SIM1: variants seen among roughly 807,000 people sequenced by gnomAD.
SIM1 encodes the protein single-minded homolog 1.
A neutral mutation model predicts 78.2 loss-of-function variants in SIM1; 18 were observed. The observed-to-expected ratio is 0.23, with a 90% CI of 0.16 to 0.34. The LOEUF is 0.34. SIM1 is among the 10% of genes least tolerant of loss of function. SIM1 has a pLI of 1.00. For missense variants in SIM1, 939 were observed against 975.1 expected (o/e 0.96, Z 0.49); for synonymous variants, 417 against 385.2 (o/e 1.08, Z -0.97).
At chr6:100,415,845 T>C (rs1771384792) in intron 10 of SIM1, among the ~76,000 whole-genome samples, 1 of 152,120 alleles carries the variant, frequency 6.6e-6, no homozygotes, top group Admixed American at 6.5e-5. Flanking sequence ...TAAGACAGCT[T>C]GGGCACAGAG....
chr6:100,394,466 C>T (rs1248725842), intron 10 of SIM1, among the ~76,000 whole-genome samples: 3 of 152,140 alleles, frequency 2.0e-5, no homozygotes, highest in South Asian at 2.1e-4. Context: ...AGTGCAGTGG[C>T]GTGATCATGG....
At position 100,454,932 on chromosome 6, in the gene SIM1, C is replaced by T. The variant is rs145024281; in HGVS notation, c.176-1088G>A. On this transcript the variant is annotated intron_variant, in intron 2 of 11. Coordinates refer to ENST00000369208, the MANE Select transcript of SIM1 (RefSeq NM_005068.3). ...ATTATTTTAACTAGGTAGTTAAATC[C>T]TTTTATCCTTACACCATTAAACAAA... Among the ~76,000 whole-genome samples, 858 of 152,176 alleles carry T rather than the reference C, an allele frequency of 5.6e-3. 10 individuals carry two copies. The highest frequency in any genetic ancestry group is 0.019 in the African/African-American group (797 of 41,504).
chr6:100,412,046 G>T (rs1045368361), intron 10 of SIM1, among the ~76,000 whole-genome samples: 1 of 152,150 alleles, frequency 6.6e-6, no homozygotes, highest in Non-Finnish European at 1.5e-5. Flanking sequence ...TTGAGGAACA[G>T]CTAGGGCAGT....
At chr6:100,462,692 T>C (rs1208081103) in intron 2 of SIM1, 2 of 152,206 alleles carry the variant, frequency 1.3e-5, no homozygotes, top group African/African-American at 4.8e-5. Flanking sequence ...CAGTTGCAAA[T>C]CATCAAGCTC....
At chr6:100,415,458 A>T (rs1270682544) in intron 10 of SIM1, among the ~76,000 whole-genome samples, 3 of 152,226 alleles carry the variant, frequency 2.0e-5, no homozygotes, top group Non-Finnish European at 4.4e-5. Flanking sequence ...GCAGCACAGT[A>T]GCTATGGGCA....
chr6:100,450,696 T>TCTCTCTCACACACA lies in SIM1; in HGVS notation c.259-341_259-340insTGTGTGTGAGAGAG, dbSNP rs1421452803. On this transcript the variant is annotated intron_variant, in intron 3 of 11. Coordinates refer to ENST00000369208, the MANE Select transcript of SIM1 (RefSeq NM_005068.3). ...CTCTCTCTCTCTCTCTCTCTCTCTC[T>TCTCTCTCACACACA]CACACACACACACACACACACACAC... Among the ~76,000 whole-genome samples, 394 of 91,920 alleles carry TCTCTCTCACACACA rather than the reference T, an allele frequency of 4.3e-3. 1 individual carries two copies. The highest frequency in any genetic ancestry group is 0.012 in the Middle Eastern group (2 of 162). 60.3% of individuals were successfully genotyped at this position (91,920 alleles called of 152,430 possible).
Position 100,447,249 on chromosome 6 carries a change from G to T in SIM1, c.998+19C>A, listed in dbSNP as rs563024692. On this transcript the variant is annotated intron_variant, in intron 9 of 11. Coordinates refer to ENST00000369208, the MANE Select transcript of SIM1 (RefSeq NM_005068.3). ...AGGGTCGCCTGGGGTGGGTGAAGGG[G>T]TCTCAGTCTTGCACTCACGTGAGGA... 2.5e-6 allele frequency: 4 copies of T among 1,612,660 alleles called. No homozygotes were observed. The African/African-American group carries it at 4.0e-5, about 16-fold the overall frequency.
At chr6:100,456,362 C>A (rs943238637) in intron 2 of SIM1, among the ~76,000 whole-genome samples, 1 of 152,174 alleles carries the variant, frequency 6.6e-6, no homozygotes, top group Non-Finnish European at 1.5e-5. Context: ...TTCGTTTCTG[C>A]ACTTGACCTA....
intron 9 of SIM1, 62 bp from the exon 10 acceptor site, chr6:100,421,020 C>T: frequency 4.0e-6 from 6 of 1,516,058 alleles, no homozygotes; most frequent in Non-Finnish European, 5.4e-6. Flanking sequence ...CATGCATACT[C>T]TCATCAGGAA....
At chr6:100,461,542 A>G (rs1322681682) in intron 2 of SIM1, among the ~76,000 whole-genome samples, 1 of 152,206 alleles carries the variant, frequency 6.6e-6, no homozygotes, top group Non-Finnish European at 1.5e-5. Context: ...CGGCACCAAT[A>G]ATTGACGAGA....
At chr6:100,422,150 T>C (rs955336856) in intron 9 of SIM1, among the ~76,000 whole-genome samples, 6 of 152,200 alleles carry the variant, frequency 3.9e-5, no homozygotes, top group Admixed American at 1.3e-4. Flanking sequence ...GTTTGCCTTT[T>C]AAAATTTTTT....
At chr6:100,399,522 T>C (rs1055373455) in intron 10 of SIM1, among the ~76,000 whole-genome samples, 1 of 152,086 alleles carries the variant, frequency 6.6e-6, no homozygotes, top group Non-Finnish European at 1.5e-5. Context: ...TATATGATGA[T>C]AGTAATAATG....
chr6:100,461,848 T>C (rs1358023680), intron 2 of SIM1, among the ~76,000 whole-genome samples: 1 of 149,748 alleles, frequency 6.7e-6, no homozygotes, highest in Non-Finnish European at 1.5e-5. Context: ...TTTCTTTTTT[T>C]TTTTTTTTTT....
chr6:100,391,896 G>A (rs1171995908), intron 11 of SIM1, among the ~76,000 whole-genome samples: 3 of 152,160 alleles, frequency 2.0e-5, no homozygotes, highest in Non-Finnish European at 4.4e-5. Context: ...AATAAGGCCG[G>A]GCATGGTGGC....
intron 2 of SIM1, among the ~76,000 whole-genome samples, chr6:100,455,235 G>A (rs1772615995): frequency 6.6e-6 from 1 of 152,066 alleles, no homozygotes; most frequent in Admixed American, 6.6e-5. Flanking sequence ...TAAATCTAAC[G>A]ATTTCCCCAC....
rs368411940 is a variant in SIM1, at chr6:100,453,787, C to A, written c.233G>T (p.Arg78Leu). ...CTGGAGCAGATGGGAGCCCAGTTCTCGGCCAACGTTGTCCAGGGGGCTGGT... is the reference window on the plus strand; with the variant it reads ...CTGGAGCAGATGGGAGCCCAGTTCTAGGCCAACGTTGTCCAGGGGGCTGGT... Reference protein sequence around the residue: ...SRTSPLDNVGRELGSHLLQTL... With the variant: ...SRTSPLDNVGLELGSHLLQTL... Residue 78 changes from arginine (R) to leucine (L), a missense_variant, in exon 3 of 12, where the codon CGA becomes CTA. Physicochemically the swap from Arg to Leu is moderately radical, Grantham distance 102 (BLOSUM62 -2). Around this residue, in one of 5 missense-constraint regions of SIM1, gnomAD observed 121 missense variants for 124.6 expected, o/e 0.97. Coordinates refer to ENST00000369208, the MANE Select transcript of SIM1 (RefSeq NM_005068.3). 1 of 1,611,834 alleles carries A rather than the reference C, an allele frequency of 6.2e-7. No homozygotes were observed. Among genetic ancestry groups the A allele is most frequent in the East Asian group, 2.2e-5 (1 of 44,588 alleles).
intron 2 of SIM1, among the ~76,000 whole-genome samples, chr6:100,456,228 G>T (rs189462825): frequency 3.3e-5 from 5 of 152,278 alleles, no homozygotes; most frequent in South Asian, 4.1e-4. Flanking sequence ...TCCTAGTAAG[G>T]GGTCCCCCCT....
Position 100,417,550 on chromosome 6 carries a change from TG to T in SIM1, c.1167+3239del, listed in dbSNP as rs1206450796. On this transcript the variant is annotated intron_variant, in intron 10 of 11. Coordinates refer to ENST00000369208, the MANE Select transcript of SIM1 (RefSeq NM_005068.3). Reference sequence around the variant, plus strand: ...ATTCCTTAACAGTATACAAACAATTTGGACCAGATAAGATTTTTGAGAAGCT... The same window carrying T: ...ATTCCTTAACAGTATACAAACAATTTGACCAGATAAGATTTTTGAGAAGCT... 4.6e-5 allele frequency among the ~76,000 whole-genome samples: 7 copies of T among 152,172 alleles called. 1 individual carries two copies. Among genetic ancestry groups the T allele is most frequent in the Admixed American group, 4.6e-4 (7 of 15,272 alleles).
At chr6:100,418,096 T>C in intron 10 of SIM1, among the ~76,000 whole-genome samples, 1 of 152,028 alleles carries the variant, frequency 6.6e-6, no homozygotes, top group East Asian at 1.9e-4. Flanking sequence ...AAATGGGCAC[T>C]TGGGAGGCTG....
Sources: allele counts gnomAD v4.1 joint callset (sites outside exome capture counted in the v4.1 genomes callset), GRCh38; gene constraint gnomAD v4.1.1; regional missense constraint gnomAD v4.1.1; transcripts MANE v1.5; gene names NCBI Gene and HGNC (gene_info 2026-07-23, HGNC 2026-07-21).